The following CSGALNACT1 variants were observed in gnomAD, a reference collection of about 807,000 sequenced individuals.
CSGALNACT1 encodes the protein chondroitin sulfate N-acetylgalactosaminyltransferase 1, also known as beta4GalNAcT-1.
CSGALNACT1 carries 52 observed loss-of-function variants against 51.0 expected under a neutral mutation model. That is an observed-to-expected ratio of 1.02 (90% CI 0.82 to 1.29). The LOEUF is 1.29. Ranked by LOEUF, CSGALNACT1 falls within the 50% of genes most tolerant of loss-of-function variation. The probability of loss-of-function intolerance (pLI) is 0.00; values close to 1 mark genes in which losing one functional copy is unlikely to be tolerated. For synonymous variants in CSGALNACT1, 341 were observed against 254.4 expected, an observed-to-expected ratio of 1.34 and a Z score of -3.24; for missense variants, 935 against 679.2, an observed-to-expected ratio of 1.38 and a Z score of -4.19.
chr8:19,418,320 T>G (rs1490028944), intron 8 of CSGALNACT1, among the ~76,000 whole-genome samples: 1 of 152,184 alleles, frequency 6.6e-6, no homozygotes, highest in Admixed American at 6.5e-5. Context: ...AAATCTCACC[T>G]TTGTTACCTT....
At chr8:19,507,277 G>A (rs1277583284) in intron 3 of CSGALNACT1, among the ~76,000 whole-genome samples, 1 of 152,106 alleles carries the variant, frequency 6.6e-6, no homozygotes, top group Non-Finnish European at 1.5e-5. Flanking sequence ...CTGCTCCAGT[G>A]TCTATGAGGA....
At chr8:19,429,394 C>G (rs1585786868) in intron 6 of CSGALNACT1, among the ~76,000 whole-genome samples, 1 of 152,184 alleles carries the variant, frequency 6.6e-6, no homozygotes, top group Admixed American at 6.5e-5. Flanking sequence ...CCAGGCTGGT[C>G]TCAAACGCCT....
At chr8:19,655,330 C>G (rs1164603895) in intron 1 of CSGALNACT1, among the ~76,000 whole-genome samples, 1 of 152,112 alleles carries the variant, frequency 6.6e-6, no homozygotes, top group Admixed American at 6.5e-5. Flanking sequence ...CTCAACTATA[C>G]AGTCACGATG....
At chr8:19,461,684 A>G (rs1298172864) in intron 4 of CSGALNACT1, among the ~76,000 whole-genome samples, 1 of 148,100 alleles carries the variant, frequency 6.8e-6, no homozygotes, top group Non-Finnish European at 1.5e-5. Flanking sequence ...GGCCACATTC[A>G]CCATGGGGGG....
chr8:19,666,522 T>G (rs1297998786), intron 1 of CSGALNACT1, among the ~76,000 whole-genome samples: 7 of 151,654 alleles, frequency 4.6e-5, no homozygotes. Context: ...GATGAAACCC[T>G]GTCTCTACTA....
At chr8:19,540,541 T>C (rs1400745738) in intron 3 of CSGALNACT1, among the ~76,000 whole-genome samples, 2 of 152,182 alleles carry the variant, frequency 1.3e-5, no homozygotes, top group Non-Finnish European at 2.9e-5. Flanking sequence ...GAGACCCTTA[T>C]GTATCAGTAA....
At chr8:19,600,028 T>C (rs372346502) in intron 2 of CSGALNACT1, among the ~76,000 whole-genome samples, 30 of 152,316 alleles carry the variant, frequency 2.0e-4, no homozygotes, top group African/African-American at 6.3e-4. Context: ...ATATCCTTCA[T>C]AGAGCTTGCT....
At chr8:19,567,506 C>T (rs960595622) in intron 3 of CSGALNACT1, among the ~76,000 whole-genome samples, 1 of 152,196 alleles carries the variant, frequency 6.6e-6, no homozygotes. Flanking sequence ...GTATTTACAA[C>T]AACTCTACCA....
chr8:19,534,796 G>A (rs1184515469), intron 3 of CSGALNACT1, among the ~76,000 whole-genome samples: 1 of 152,212 alleles, frequency 6.6e-6, no homozygotes, highest in East Asian at 1.9e-4. Context: ...ATCGTCATAA[G>A]CAGTTTGTTA....
chr8:19,505,067 G>C, intron 4 of CSGALNACT1, 134 bp downstream of exon 3: 1 of 882,990 alleles, frequency 1.1e-6, no homozygotes, highest in South Asian at 1.4e-5. Flanking sequence ...GTACCTTTTG[G>C]TGTCACACAC....
chr8:19,625,895 C>T (rs1349372533), intron 1 of CSGALNACT1, among the ~76,000 whole-genome samples: 1 of 152,126 alleles, frequency 6.6e-6, no homozygotes, highest in African/African-American at 2.4e-5. Flanking sequence ...ACATTTTCTC[C>T]ATAGTAAAAT....
intron 4 of CSGALNACT1, among the ~76,000 whole-genome samples, chr8:19,490,490 A>T (rs1310026883): frequency 6.6e-6 from 1 of 152,204 alleles, no homozygotes; most frequent in Non-Finnish European, 1.5e-5. Flanking sequence ...ATAAGATGCC[A>T]CCAGGAAAGG....
chr8:19,588,151 C>A (rs1366249020), intron 3 of CSGALNACT1: 1 of 151,974 alleles, frequency 6.6e-6, no homozygotes, highest in African/African-American at 2.4e-5. Context: ...GCAGAAATCA[C>A]ACCATTACAC....
chr8:19,739,913 C>A (rs1231458249), intron 1 of CSGALNACT1, among the ~76,000 whole-genome samples: 6 of 152,218 alleles, frequency 3.9e-5, no homozygotes, highest in Non-Finnish European at 8.8e-5. Context: ...ACTTAATCCT[C>A]ACTAGTGCAA....
At chr8:19,750,937 C>A (rs993158471) in intron 1 of CSGALNACT1, among the ~76,000 whole-genome samples, 4 of 152,152 alleles carry the variant, frequency 2.6e-5, no homozygotes, top group Non-Finnish European at 5.9e-5. Flanking sequence ...AGAGATGTTG[C>A]TCTACATTGC....
rs180833085 is a variant in CSGALNACT1 at position 19,541,312 on chromosome 8, G to A, written c.-296-35182C>T. 2.0e-4 allele frequency among the ~76,000 whole-genome samples: 30 copies of A among 146,562 alleles called. No homozygotes were observed. The East Asian group carries it at 4.4e-3, about 22-fold the overall frequency. ...GTCACCTAGGCTGGAGTGCACTGGC[G>A]TGATCTCGGCTCACTGCAAGCTCTG... On this transcript the variant is annotated intron_variant, in intron 3 of 9. Transcript: ENST00000454498.
intron 1 of CSGALNACT1, among the ~76,000 whole-genome samples, chr8:19,729,973 T>C (rs1415698772): frequency 6.6e-6 from 1 of 152,128 alleles, no homozygotes; most frequent in Non-Finnish European, 1.5e-5. Flanking sequence ...CCAGCAGAAG[T>C]AGGGTGCTGA....
At chr8:19,669,894 C>T (rs749624000) in intron 1 of CSGALNACT1, among the ~76,000 whole-genome samples, 1 of 152,210 alleles carries the variant, frequency 6.6e-6, no homozygotes, top group Non-Finnish European at 1.5e-5. Context: ...CTTTCAGTTT[C>T]ATCTCCCAGC....
chr8:19,552,295 GA>G lies in CSGALNACT1; in HGVS notation c.-297+38864del, dbSNP rs748918996. ...AAGTGGACTTAAGATATCACATAAG[GA>G]AAATTTACTTACAGTGAAGTATATT... On this transcript the variant is annotated intron_variant, in intron 3 of 9. Transcript: ENST00000454498. 8.5e-5 allele frequency among the ~76,000 whole-genome samples: 13 copies of G among 152,202 alleles called. No individual in the cohort carries two copies. In the East Asian group the frequency reaches 2.1e-3, roughly 25 times the overall value.
Sources: gnomAD v4.1 joint callset for allele counts (sites outside exome capture counted in the v4.1 genomes callset) on GRCh38, gnomAD v4.1.1 for gene constraint, MANE v1.5 for transcripts, NCBI Gene and HGNC (gene_info 2026-07-23, HGNC 2026-07-21) for gene names.